The following ACAN variants were observed in gnomAD, a reference collection of about 807,000 sequenced individuals.
The protein encoded by ACAN is aggrecan.
ACAN carries 47 observed loss-of-function variants against 169.1 expected under a neutral mutation model. That is an observed-to-expected ratio of 0.28 (90% CI 0.22 to 0.35). The LOEUF is 0.35. Among genes scored for constraint, ACAN ranks in the 10% least tolerant of loss-of-function variants. The pLI is 1.00. For missense variants in ACAN, 2,716 were observed against 2,759.9 expected, an observed-to-expected ratio of 0.98 and a Z score of 0.36; for synonymous variants, 1,115 against 1,112.2, an observed-to-expected ratio of 1.00 and a Z score of -0.05.
chr15:88,823,841 C>T (rs1460447217), intron 1 of ACAN, among the ~76,000 whole-genome samples: 1 of 152,202 alleles, frequency 6.6e-6, no homozygotes, highest in Non-Finnish European at 1.5e-5. Flanking sequence ...CATCCTTCTC[C>T]ACTCTTGCAC....
chr15:88,861,078 G>A lies in ACAN; in HGVS notation c.6946+639G>A, dbSNP rs1254705527. Among the ~76,000 whole-genome samples the A allele has an allele frequency of 1.3e-5, 2 of 152,160 alleles. No homozygotes were observed. Among genetic ancestry groups the A allele is most frequent in the Non-Finnish European group, 2.9e-5 (2 of 68,030 alleles). ...GAGGCTGGGGACCCTCTGATCTGAG[G>A]TGGACCCCGGAAGGAGATGGTTAGA... is the stretch of plus-strand genomic sequence containing the variant. On this transcript the variant is annotated intron_variant, in intron 13 of 18. Transcript: ENST00000560601. This position sits in a 1 kb window ranked among gnomAD's most constrained non-coding sequence, Gnocchi z 6.3.
rs1567189232 is a variant in ACAN at position 88,860,349 on chromosome 15, G to A, written c.6856G>A (p.Glu2286Lys). 4 of 1,612,872 alleles carry A rather than the reference G, an allele frequency of 2.5e-6. No individual in the cohort carries two copies. Among genetic ancestry groups the A allele is most frequent in the Non-Finnish European group, 3.4e-6 (4 of 1,179,648 alleles). ...AGCCCCCGCCAGGTCCTGTGCAGAGGAGCCCTGTGGAGCTGGGACCTGCAA... is the reference window on the plus strand; with the variant it reads ...AGCCCCCGCCAGGTCCTGTGCAGAGAAGCCCTGTGGAGCTGGGACCTGCAA... ...AAAPARSCAE[E>K]PCGAGTCKET... Residue 2286 changes from glutamate to lysine, a missense_variant, in exon 13 of 19, where the codon GAG becomes AAG. Glu to Lys is a moderately conservative substitution (Grantham distance 56). Around this residue, in one of 3 missense-constraint regions of ACAN, gnomAD observed 1,389 missense variants for 1,363.7 expected, o/e 1.02. Coordinates refer to ENST00000560601, the MANE Select transcript of ACAN (RefSeq NM_001369268.1).
rs954119358 is a variant in ACAN, at chr15:88,874,325, G to C, written c.7631-80G>C. On this transcript the variant is annotated intron_variant, in intron 18 of 18. Transcript: ENST00000560601. This position sits in a 1 kb window ranked among gnomAD's most constrained non-coding sequence, Gnocchi z 7.3. The stretch of plus-strand genomic sequence containing the variant: ...AGTCCTGGTTTCCACAAGGGAGAGA[G>C]GGTAGTCTGGGGAGAGCCTGGGCTC... The C allele has an allele frequency of 4.5e-6, 6 of 1,340,554 alleles. No individual in the cohort carries two copies. The Admixed American group carries it at 7.9e-5, about 18-fold the overall frequency. The allele number at this position is 1,340,554 out of a possible 1,614,324, so 83.0% of individuals were successfully genotyped here. A position where few individuals can be genotyped will look rare whatever the true frequency, so the allele number is the denominator to read the frequency against.
chr15:88,824,319 CA>C (rs763174904), intron 1 of ACAN, among the ~76,000 whole-genome samples: 93 of 122,356 alleles, frequency 7.6e-4, no homozygotes, highest in Middle Eastern at 4.2e-3. Context: ...GACTCCGTCT[CA>C]AAAAAAAAAA....
At chr15:88,809,474 G>A (rs567368213) in intron 1 of ACAN, among the ~76,000 whole-genome samples, 14 of 152,320 alleles carry the variant, frequency 9.2e-5, no homozygotes, top group South Asian at 2.1e-4. Context: ...CCTTGAAGCC[G>A]ATGCAGGCAC....
intron 1 of ACAN, among the ~76,000 whole-genome samples, chr15:88,825,423 A>G (rs1314772688): frequency 6.6e-6 from 1 of 152,164 alleles, no homozygotes; most frequent in Non-Finnish European, 1.5e-5. Flanking sequence ...ACCTATGAAA[A>G]TTCTGGCCAA....
rs377631427 is a variant in ACAN, at chr15:88,847,238, C to T, written c.1430-5C>T. On this transcript the variant is annotated splice_polypyrimidine_tract_variant and splice_region_variant and intron_variant, in intron 7 of 18. Transcript: ENST00000560601. ...GAACCTGACCGCTCCCTCCTCCCCA[C>T]CCAGGGGTCGTCTTCCACTACCGCC... is the stretch of plus-strand genomic sequence containing the variant. 9.5e-5 allele frequency: 147 copies of T among 1,543,342 alleles called. 1 individual carries two copies. In the East Asian group the frequency reaches 2.4e-3, roughly 25 times the overall value.
rs768785244 is a variant in ACAN, at chr15:88,861,561, G to A, written c.6946+1122G>A. On this transcript the variant is annotated intron_variant, in intron 13 of 18. Transcript: ENST00000560601. The surrounding 1 kb of genome is among the most constrained non-coding windows in gnomAD (Gnocchi z 6.3). Reference sequence around the variant, plus strand: ...ACTATATATGTATATATAAACAGACGTTAGGGTAGATATTCATTCACTCTT... The same window carrying A: ...ACTATATATGTATATATAAACAGACATTAGGGTAGATATTCATTCACTCTT... Among the ~76,000 whole-genome samples the A allele has an allele frequency of 2.0e-5, 3 of 151,920 alleles. No homozygotes were observed. The highest frequency in any genetic ancestry group is 2.1e-4 in the South Asian group (1 of 4,808).
Position 88,838,703 on chromosome 15 carries a change from C to A in ACAN, c.111C>A (p.Ser37=). 6.2e-7 allele frequency: 1 copy of A among 1,604,802 alleles called. No homozygotes were observed. The highest frequency in any genetic ancestry group is 1.7e-5 in the Admixed American group (1 of 59,762). Residue 37 remains serine, a synonymous_variant, in exon 3 of 19, where the codon TCC becomes TCA. Transcript: ENST00000560601. This position sits in a 1 kb window ranked among gnomAD's most constrained non-coding sequence, Gnocchi z 5.1. ...TGAGTGTCAGCATCCCCCAACCGTC[C>A]CCGCTGAGGGTCCTCCTGGGGACCT... ...NSLSVSIPQP[S]PLRVLLGTSL...
chr15:88,857,864 C>T lies in ACAN; in HGVS notation c.5279C>T (p.Ser1760Phe). 1 of 1,613,734 alleles carries T rather than the reference C, an allele frequency of 6.2e-7. No individual in the cohort carries two copies. The highest frequency in any genetic ancestry group is 1.3e-5 in the African/African-American group (1 of 75,016). Residue 1760 changes from serine (S) to phenylalanine (F), a missense_variant, in exon 12 of 19, where the codon TCT becomes TTT. Coordinates refer to ENST00000560601, the MANE Select transcript of ACAN (RefSeq NM_001369268.1). ...SGVTELSGLSSGQPGISGEAS... is the reference protein window; with the variant it reads ...SGVTELSGLSFGQPGISGEAS... ...GTGACTGAGCTTAGCGGGCTGTCCT[C>T]TGGACAACCAGGTATTAGTGGAGAA...
At chr15:88,852,480 T>C (rs1011495083) in intron 11 of ACAN, among the ~76,000 whole-genome samples, 1 of 152,146 alleles carries the variant, frequency 6.6e-6, no homozygotes, top group Admixed American at 6.5e-5. Flanking sequence ...TTCTCCTCCT[T>C]CCATTTCCCT....
intron 1 of ACAN, among the ~76,000 whole-genome samples, chr15:88,832,931 G>A (rs575454991): frequency 6.6e-6 from 1 of 152,206 alleles, no homozygotes; most frequent in East Asian, 1.9e-4. Context: ...GTCCGGCCTG[G>A]AGGAGGGATG....
rs139759065 is a variant in ACAN, at chr15:88,826,629, C to T, written c.-7-9571C>T. 5.5e-4 allele frequency among the ~76,000 whole-genome samples: 83 copies of T among 152,246 alleles called. 2 individuals are homozygous for T. In the East Asian group the frequency reaches 0.014, roughly 26 times the overall value. ...TTGGCAAGATCCCACCAACCGTGCG[C>T]ATATTCCAGGCACTCTGCCCATATT... On this transcript the variant is annotated intron_variant, in intron 1 of 18. Coordinates refer to ENST00000560601, the MANE Select transcript of ACAN (RefSeq NM_001369268.1).
In ACAN at chr15:88,851,759, G is replaced by C. The variant is rs1326365039; in HGVS notation, c.2027-35G>C. 4 of 1,531,938 alleles carry C rather than the reference G, an allele frequency of 2.6e-6. No homozygotes were observed. Among genetic ancestry groups the C allele is most frequent in the Non-Finnish European group, 3.5e-6 (4 of 1,136,760 alleles). 94.9% of individuals were successfully genotyped at this position (1,531,938 alleles called of 1,614,324 possible). A position where few individuals can be genotyped will look rare whatever the true frequency, so the allele number is the denominator to read the frequency against. On this transcript the variant is annotated intron_variant, in intron 10 of 18. Coordinates refer to ENST00000560601, the MANE Select transcript of ACAN (RefSeq NM_001369268.1). The surrounding 1 kb of genome is among the most constrained non-coding windows in gnomAD (Gnocchi z 4.3). ...AGCCAAGGACGGGTCACTGGTAAGA[G>C]AGGGACTCACTCTGACCACCCACAT...
chr15:88,864,511 C>T lies in ACAN; in HGVS notation c.6947-3705C>T, dbSNP rs554773615. Among the ~76,000 whole-genome samples the T allele has an allele frequency of 3.3e-5, 5 of 152,260 alleles. No individual in the cohort carries two copies. In the South Asian group the frequency reaches 6.2e-4, roughly 19 times the overall value. ...TGAACTCCTGACCTTCTGATCCACC[C>T]GCCTTGGCCTCCCAAAGTGCTGGGA... On this transcript the variant is annotated intron_variant, in intron 13 of 18. Transcript: ENST00000560601.
rs530856728 is a variant in ACAN at position 88,855,453 on chromosome 15, A to G, written c.2868A>G (p.Gly956=). The G allele has an allele frequency of 6.2e-6, 10 of 1,613,380 alleles. No individual in the cohort carries two copies. Among genetic ancestry groups the G allele is most frequent in the Middle Eastern group, 1.7e-4 (1 of 6,058 alleles). The change falls in exon 12 of 19, where the codon GGA becomes GGG. Residue 956 remains glycine (G), a synonymous_variant. Coordinates refer to ENST00000560601, the MANE Select transcript of ACAN (RefSeq NM_001369268.1). ...GSASGVGDLS[G]LPSGEVLETS... is the part of the protein sequence containing the mutation. ...CCTCTGGAGTTGGGGATCTCAGTGG[A>G]CTTCCTTCTGGAGAAGTTCTAGAGA...
intron 1 of ACAN, among the ~76,000 whole-genome samples, chr15:88,835,304 C>A (rs1217505729): frequency 6.6e-6 from 1 of 152,142 alleles, no homozygotes; most frequent in Non-Finnish European, 1.5e-5. Context: ...CAACTCATCA[C>A]TTCTCTGGGC....
At chr15:88,840,357 C>G (rs896500643) in intron 4 of ACAN, among the ~76,000 whole-genome samples, 171 bp downstream of exon 4, 2 of 152,176 alleles carry the variant, frequency 1.3e-5, no homozygotes, top group African/African-American at 4.8e-5. Context: ...CTCAATGACC[C>G]ATCCCAAACC....
chr15:88,857,249 T>C lies in ACAN; in HGVS notation c.4664T>C (p.Leu1555Pro). 1 of 1,613,932 alleles carries C rather than the reference T, an allele frequency of 6.2e-7. No homozygotes were observed. Among genetic ancestry groups the C allele is most frequent in the Non-Finnish European group, 8.5e-7 (1 of 1,179,888 alleles). Residue 1555 changes from leucine (L) to proline (P), a missense_variant, in exon 12 of 19, where the codon CTA becomes CCA. Physicochemically the swap from Leu to Pro is moderately conservative, Grantham distance 98. This residue lies in a region of ACAN where 1,389 missense variants were observed against 1,363.7 expected (regional missense o/e 1.02). Coordinates refer to ENST00000560601, the MANE Select transcript of ACAN (RefSeq NM_001369268.1). ...LSGLPSGGEGLETSASEVGTD... is the reference protein window; with the variant it reads ...LSGLPSGGEGPETSASEVGTD... ...GGACTTCCTTCTGGAGGAGAAGGTC[T>C]AGAGACCTCTGCTTCTGAAGTAGGG...
Sources: gnomAD v4.1 joint callset for allele counts (sites outside exome capture counted in the v4.1 genomes callset) on GRCh38, gnomAD v4.1.1 for gene constraint, gnomAD v4.1.1 regional missense constraint, Gnocchi (gnomAD v3.1) non-coding constraint, MANE v1.5 for transcripts, NCBI Gene and HGNC (gene_info 2026-07-23, HGNC 2026-07-21) for gene names.